The following EIF3D variants were observed in gnomAD, a reference collection of about 807,000 sequenced individuals.
EIF3D encodes eukaryotic translation initiation factor 3 subunit D.
In EIF3D, 10 loss-of-function variants were observed where a neutral mutation model predicts 75.4. The observed-to-expected ratio is 0.13, with a 90% CI of 0.08 to 0.22. EIF3D has a LOEUF of 0.22. EIF3D is among the 10% of genes least tolerant of loss of function. The pLI, the probability that EIF3D is intolerant of heterozygous loss-of-function variation, is 1.00. For synonymous variants in EIF3D, 246 were observed against 248.3 expected (o/e 0.99, Z 0.09); for missense variants, 394 against 708.0 (o/e 0.56, Z 5.03).
intron 2 of EIF3D, 53 bp downstream of exon 2, chr22:36,525,946 G>A (rs972347805): frequency 1.9e-5 from 30 of 1,559,590 alleles, no homozygotes; most frequent in Non-Finnish European, 2.4e-5. Flanking sequence ...ACAGGGACTC[G>A]AGAGTAGCAG....
intron 1 of EIF3D, among the ~76,000 whole-genome samples, chr22:36,526,665 T>C (rs2145879845): frequency 6.6e-6 from 1 of 151,600 alleles, no homozygotes; most frequent in South Asian, 2.1e-4. Flanking sequence ...TGGGGTGCAG[T>C]GGCGTGCAAC....
intron 12 of EIF3D, chr22:36,516,012 T>A (rs2145870970): frequency 6.5e-6 from 1 of 153,808 alleles, no homozygotes; most frequent in East Asian, 1.9e-4. Context: ...ATCCATGAGT[T>A]AAAGAAATGA....
chr22:36,518,337 A>T (rs1286942708), intron 9 of EIF3D, among the ~76,000 whole-genome samples: 1 of 151,984 alleles, frequency 6.6e-6, no homozygotes, highest in African/African-American at 2.4e-5. Flanking sequence ...AAAAATATAG[A>T]AAGTAGCCAG....
chr22:36,516,639 G>C lies in EIF3D; in HGVS notation c.1077-32C>G, dbSNP rs773160724. On this transcript the variant is annotated intron_variant, in intron 11 of 14. Transcript: ENST00000216190. ...CAAAAAAGAAACTCATGTGGTCACT[G>C]GGGATTCTATAGAGTGGGGCCCGTG... The C allele has an allele frequency of 3.7e-6, 6 of 1,613,862 alleles. No individual in the cohort carries two copies. The Admixed American group carries it at 1.0e-4, about 27-fold the overall frequency.
chr22:36,526,805 T>C (rs1934611064), intron 1 of EIF3D: 2 of 152,230 alleles, frequency 1.3e-5, no homozygotes, highest in Admixed American at 1.3e-4. Flanking sequence ...TCCAGGCTAG[T>C]CTTGAACTCC....
intron 1 of EIF3D, among the ~76,000 whole-genome samples, chr22:36,527,058 A>G (rs112495804): frequency 3.9e-5 from 6 of 152,176 alleles, no homozygotes; most frequent in African/African-American, 9.7e-5. Context: ...CATTGTTTCA[A>G]TTTTCTGCCA....
chr22:36,520,414 G>A (rs532721573), intron 7 of EIF3D, among the ~76,000 whole-genome samples, 162 bp downstream of exon 7: 64 of 152,058 alleles, frequency 4.2e-4, no homozygotes, highest in African/African-American at 1.3e-3. Flanking sequence ...GCACCTGGCC[G>A]GTCTTGATTT....
chr22:36,519,012 T>A, intron 8 of EIF3D, 102 bp from the exon 9 acceptor site: 1 of 1,454,558 alleles, frequency 6.9e-7, no homozygotes, highest in Non-Finnish European at 9.2e-7. Context: ...CATAAATCCT[T>A]AATAAGGAGG....
chr22:36,526,182 A>T (rs1478129939), intron 1 of EIF3D, 51 bp from the exon 2 acceptor site: 5 of 1,513,360 alleles, frequency 3.3e-6, no homozygotes, highest in Non-Finnish European at 1.8e-6. Context: ...GCCTCAGAGT[A>T]CAAAACACCC....
At chr22:36,516,673 T>C (rs762631466) in intron 11 of EIF3D, 32 bp downstream of exon 11, 1 of 1,614,180 alleles carries the variant, frequency 6.2e-7, no homozygotes, top group South Asian at 1.1e-5. Context: ...TGCTCCAGTC[T>C]GGCCACAATA....
rs117709748 is a variant in EIF3D, at chr22:36,519,319, C to G, written c.711+86G>C. The G allele has an allele frequency of 6.6e-3, 10,339 of 1,568,520 alleles. 47 individuals carry two copies. Among genetic ancestry groups the G allele is most frequent in the Non-Finnish European group, 7.9e-3 (9,014 of 1,147,622 alleles). The stretch of plus-strand genomic sequence containing the variant: ...TTACCTATAATACATACGTTATTCC[C>G]ATGTCTTCTGTTCTTTCTGCAGCTT... On this transcript the variant is annotated intron_variant, in intron 8 of 14. Transcript: ENST00000216190.
chr22:36,516,373 C>T (rs915715987), intron 12 of EIF3D, 105 bp downstream of exon 12: 58 of 1,412,240 alleles, frequency 4.1e-5, no homozygotes, highest in African/African-American at 8.6e-5. Context: ...CTATAAGTAA[C>T]GAAAGGGGAT....
At position 36,512,441 on chromosome 22, in the gene EIF3D, TCCTGCACAG is replaced by T. The variant is rs1934354964; in HGVS notation, c.1349+10_1349+18del. The T allele has an allele frequency of 6.2e-7, 1 of 1,613,524 alleles. No homozygotes were observed. The highest frequency in any genetic ancestry group is 1.1e-5 in the South Asian group (1 of 91,056). On this transcript the variant is annotated intron_variant, in intron 13 of 14. Transcript: ENST00000216190. The stretch of plus-strand genomic sequence containing the variant: ...TCCTTTCACAAGATCAGCTGCCAGC[TCCTGCACAG>T]GAATCTCACCCAAGCTTGAGGTACT...
At chr22:36,522,520 A>G (rs969734814) in intron 6 of EIF3D, among the ~76,000 whole-genome samples, 2 of 152,210 alleles carry the variant, frequency 1.3e-5, no homozygotes, top group South Asian at 2.1e-4. Flanking sequence ...TACCACATGG[A>G]TGACTCTTGA....
Position 36,511,561 on chromosome 22 carries a change from G to A in EIF3D, c.1575C>T (p.Gly525=), listed in dbSNP as rs1934337004. Residue 525 remains glycine, a synonymous_variant, in exon 14 of 15, where the codon GGC becomes GGT. Coordinates refer to ENST00000216190, the MANE Select transcript of EIF3D (RefSeq NM_003753.4). ...CCTCATCTTCATCAGAGCTGAAGGTGCCATCAGGGAGGCTGTAGACACGGA... is the reference window on the plus strand; with the variant it reads ...CCTCATCTTCATCAGAGCTGAAGGTACCATCAGGGAGGCTGTAGACACGGA... ...QVIRVYSLPD[G]TFSSDEDEEE... is the part of the protein sequence containing the mutation. 6.2e-7 allele frequency: 1 copy of A among 1,613,956 alleles called. No homozygotes were observed. Among genetic ancestry groups the A allele is most frequent in the Non-Finnish European group, 8.5e-7 (1 of 1,179,928 alleles).
intron 6 of EIF3D, 181 bp downstream of exon 6, chr22:36,523,027 TA>T (rs1934539490): frequency 8.7e-6 from 5 of 573,286 alleles, no homozygotes; most frequent in Non-Finnish European, 1.3e-5. Context: ...TGCTAAAGGG[TA>T]AGGGATTCTT....
intron 9 of EIF3D, 47 bp from the exon 10 acceptor site, chr22:36,517,478 G>T: frequency 6.3e-7 from 1 of 1,579,564 alleles, no homozygotes; most frequent in Non-Finnish European, 8.6e-7. Flanking sequence ...AAGAGTCACT[G>T]ACAATGTGCG....
chr22:36,522,689 G>C (rs758132105), intron 6 of EIF3D, among the ~76,000 whole-genome samples: 16 of 152,186 alleles, frequency 1.1e-4, no homozygotes, highest in Non-Finnish European at 1.9e-4. Context: ...GTGCCTCCTG[G>C]AATTCATTTG....
At chr22:36,521,462 ATG>A (rs777602146) in intron 6 of EIF3D, among the ~76,000 whole-genome samples, 1 of 152,192 alleles carries the variant, frequency 6.6e-6, no homozygotes, top group African/African-American at 2.4e-5. Context: ...TTTTGCTTAC[ATG>A]TGTTCTGTTC....
Sources: allele counts gnomAD v4.1 joint callset (sites outside exome capture counted in the v4.1 genomes callset), GRCh38; gene constraint gnomAD v4.1.1; transcripts MANE v1.5; gene names NCBI Gene and HGNC (gene_info 2026-07-23, HGNC 2026-07-21).